The following BIRC6 variants were observed in gnomAD, a reference collection of about 807,000 sequenced individuals.
The protein encoded by BIRC6 is baculoviral IAP repeat containing 6.
A neutral mutation model predicts 503.3 loss-of-function variants in BIRC6; 98 were observed. That is an observed-to-expected ratio of 0.19 (90% CI 0.17 to 0.23). The LOEUF (loss-of-function observed/expected upper bound fraction) is 0.23, where lower values mean the gene tolerates loss of function less well. BIRC6 is among the 10% of genes least tolerant of loss of function. The pLI is 1.00. For missense variants in BIRC6, 5,360 were observed against 5,806.0 expected, an observed-to-expected ratio of 0.92 and a Z score of 2.50; for synonymous variants, 2,240 against 2,078.7, an observed-to-expected ratio of 1.08 and a Z score of -2.11.
intron 33 of BIRC6, among the ~76,000 whole-genome samples, chr2:32,475,344 G>T (rs2049621474): frequency 6.6e-6 from 1 of 152,106 alleles, no homozygotes; most frequent in African/African-American, 2.4e-5. Context: ...TCACCAGATT[G>T]TAAGGTCTTT....
chr2:32,582,151 G>T (rs534267720), intron 66 of BIRC6, among the ~76,000 whole-genome samples: 2 of 151,932 alleles, frequency 1.3e-5, no homozygotes, highest in Non-Finnish European at 2.9e-5. Flanking sequence ...GAGCCACCGC[G>T]CCCGGCCTGA....
chr2:32,360,250 A>G (rs1214459397), intron 1 of BIRC6, among the ~76,000 whole-genome samples: 1 of 152,228 alleles, frequency 6.6e-6, no homozygotes, highest in East Asian at 1.9e-4. Flanking sequence ...GGATGGGAAC[A>G]GGACTTGTAT....
intron 66 of BIRC6, among the ~76,000 whole-genome samples, chr2:32,578,518 G>A (rs975201735): frequency 2.0e-5 from 3 of 151,998 alleles, no homozygotes; most frequent in South Asian, 2.1e-4. Flanking sequence ...TATCACGGCC[G>A]GGTGCAGTGG....
intron 23 of BIRC6, among the ~76,000 whole-genome samples, chr2:32,462,936 C>T (rs1230736623): frequency 2.1e-5 from 3 of 144,116 alleles, no homozygotes; most frequent in South Asian, 2.2e-4. Context: ...GCCTGAGTGA[C>T]GGAGTGAGAC....
At chr2:32,360,391 C>T (rs2033870869) in intron 1 of BIRC6, among the ~76,000 whole-genome samples, 1 of 152,198 alleles carries the variant, frequency 6.6e-6, no homozygotes, top group South Asian at 2.1e-4. Context: ...TCAGTATATA[C>T]ACAGGCTGGG....
At position 32,581,885 on chromosome 2, in the gene BIRC6, C is replaced by T. The variant is rs191567728; in HGVS notation, c.13355+6519C>T. On this transcript the variant is annotated intron_variant, in intron 66 of 73. Transcript: ENST00000421745. ...TTTTATGTATTTATTTATTTTGAGACGGAGTCTTACTCTGTCACCCAGGAT... is the reference window on the plus strand; with the variant it reads ...TTTTATGTATTTATTTATTTTGAGATGGAGTCTTACTCTGTCACCCAGGAT... Among the ~76,000 whole-genome samples the T allele has an allele frequency of 1.5e-4, 23 of 152,222 alleles. No individual in the cohort carries two copies. The East Asian group carries it at 2.9e-3, about 19-fold the overall frequency.
chr2:32,442,446 T>G lies in BIRC6; in HGVS notation c.4229T>G (p.Leu1410Trp). 6.2e-7 allele frequency: 1 copy of G among 1,604,648 alleles called. No homozygotes were observed. Among genetic ancestry groups the G allele is most frequent in the East Asian group, 2.2e-5 (1 of 44,754 alleles). ...CATAAGTGTGCCCGATTTCTAGCCT[T>G]GTGCATTAGGTTGGTATGTTTTTAA... The part of the protein sequence containing the change: ...IAHKCARFLA[L>W]CISNGKCDPC... Residue 1410 changes from leucine to tryptophan, a missense_variant, in exon 19 of 74, where the codon TTG becomes TGG. By Grantham distance (61) the Leu-to-Trp change is moderately conservative. Around this residue, in one of 16 missense-constraint regions of BIRC6, gnomAD observed 2,299 missense variants for 2,267.2 expected, o/e 1.01. Coordinates refer to ENST00000421745, the MANE Select transcript of BIRC6 (RefSeq NM_016252.4).
chr2:32,490,063 A>C lies in BIRC6; in HGVS notation c.8118A>C (p.Thr2706=), dbSNP rs2051501109. Residue 2706 remains threonine (T), a synonymous_variant, in exon 43 of 74, where the codon ACA becomes ACC. Transcript: ENST00000421745. ...LNQASITSFL[T]VLAWYPNTLL... ...TAGCATCAATAACTAGCTTTCTCAC[A>C]GTGTTAGCTTGGTATCCCAATACTT... 5 of 1,611,836 alleles carry C rather than the reference A, an allele frequency of 3.1e-6. No homozygotes were observed. Among genetic ancestry groups the C allele is most frequent in the African/African-American group, 1.3e-5 (1 of 75,006 alleles).
chr2:32,543,585 T>A (rs759515007), intron 62 of BIRC6, 44 bp downstream of exon 62: 1 of 1,563,188 alleles, frequency 6.4e-7, no homozygotes, highest in Non-Finnish European at 8.7e-7. Context: ...TGTGAATAGG[T>A]TGTGTAAAGG....
Position 32,499,626 on chromosome 2 carries a change from G to T in BIRC6, c.8548G>T (p.Val2850Phe). ...ATTCACTCTGGAGCAGAATTTTGAAGTCGTTTCAGTTAGTACTATTTCTGC... is the reference window on the plus strand; with the variant it reads ...ATTCACTCTGGAGCAGAATTTTGAATTCGTTTCAGTTAGTACTATTTCTGC... ...LEFTLEQNFE[V>F]VSVSTISAVI... Residue 2850 changes from valine to phenylalanine, a missense_variant, in exon 46 of 74, where the codon GTC becomes TTC. This residue lies in a region of BIRC6 where 2,299 missense variants were observed against 2,267.2 expected (regional missense o/e 1.01). Coordinates refer to ENST00000421745, the MANE Select transcript of BIRC6 (RefSeq NM_016252.4). 6.2e-7 allele frequency: 1 copy of T among 1,613,870 alleles called. No homozygotes were observed. Among genetic ancestry groups the T allele is most frequent in the Non-Finnish European group, 8.5e-7 (1 of 1,179,876 alleles).
Position 32,415,393 on chromosome 2 carries a change from C to G in BIRC6, c.2102C>G (p.Pro701Arg). 6.2e-7 allele frequency: 1 copy of G among 1,613,998 alleles called. No individual in the cohort carries two copies. The highest frequency in any genetic ancestry group is 1.3e-5 in the African/African-American group (1 of 75,032). Residue 701 changes from proline to arginine, a missense_variant, in exon 10 of 74, where the codon CCG (proline) becomes CGG (arginine). Physicochemically the swap from Pro to Arg is moderately radical, Grantham distance 103 (BLOSUM62 -2). This residue lies in a region of BIRC6 where 700 missense variants were observed against 739.3 expected (regional missense o/e 0.95). Transcript: ENST00000421745. The stretch of plus-strand genomic sequence containing the variant: ...GATGCAGCAGCCAACCTTACCTCTC[C>G]GGATTCTGAGAAGTGGAACTCTGTG... ...FADAAANLTSPDSEKWNSVFP... is the reference protein window; with the variant it reads ...FADAAANLTSRDSEKWNSVFP...
intron 68 of BIRC6, among the ~76,000 whole-genome samples, chr2:32,597,538 C>T (rs1012524469): frequency 2.0e-5 from 3 of 152,154 alleles, no homozygotes; most frequent in African/African-American, 4.8e-5. Flanking sequence ...ATCCCTATAG[C>T]ATGTGAAAGA....
At chr2:32,431,748 A>G (rs1051658537) in intron 12 of BIRC6, among the ~76,000 whole-genome samples, 2 of 152,202 alleles carry the variant, frequency 1.3e-5, no homozygotes, top group Non-Finnish European at 2.9e-5. Flanking sequence ...CTTGTTTTGT[A>G]TTTAATAAAA....
intron 1 of BIRC6, among the ~76,000 whole-genome samples, chr2:32,365,758 T>TA (rs927583354): frequency 3.5e-4 from 54 of 152,244 alleles, no homozygotes; most frequent in African/African-American, 1.2e-3. Flanking sequence ...CAGTTTAAGG[T>TA]AAAAAAATTA....
chr2:32,447,293 C>T (rs1446356783), intron 21 of BIRC6, among the ~76,000 whole-genome samples: 12 of 148,838 alleles, frequency 8.1e-5, no homozygotes, highest in African/African-American at 9.8e-5. Context: ...GGGTCGTGGC[C>T]GGGCAGAGGG....
At chr2:32,611,207 G>A (rs1002439730) in intron 72 of BIRC6, among the ~76,000 whole-genome samples, 3 of 151,716 alleles carry the variant, frequency 2.0e-5, no homozygotes, top group Non-Finnish European at 2.9e-5. Flanking sequence ...CCGGGTTCAC[G>A]CCATTCTCTT....
At chr2:32,563,005 CA>C (rs2059302221) in intron 65 of BIRC6, among the ~76,000 whole-genome samples, 1 of 152,166 alleles carries the variant, frequency 6.6e-6, no homozygotes, top group Admixed American at 6.5e-5. Context: ...GTCAGGTGGT[CA>C]AGTCATATAG....
intron 23 of BIRC6, among the ~76,000 whole-genome samples, chr2:32,461,013 T>G: frequency 1.9e-5 from 1 of 52,058 alleles, no homozygotes; most frequent in Non-Finnish European, 4.2e-5. Context: ...TTCTCTTCTC[T>G]TCTCTTCTCT....
At chr2:32,579,438 A>T (rs1249484532) in intron 66 of BIRC6, among the ~76,000 whole-genome samples, 1 of 152,314 alleles carries the variant, frequency 6.6e-6, no homozygotes, top group East Asian at 1.9e-4. Context: ...TCCCAGTGCC[A>T]GCACTTTGGG....
Sources: gnomAD v4.1 joint callset for allele counts (sites outside exome capture counted in the v4.1 genomes callset) on GRCh38, gnomAD v4.1.1 for gene constraint, gnomAD v4.1.1 regional missense constraint, MANE v1.5 for transcripts, NCBI Gene and HGNC (gene_info 2026-07-23, HGNC 2026-07-21) for gene names.